ST6GALNAC3: variants seen among roughly 807,000 people sequenced by gnomAD.
ST6GALNAC3 encodes alpha-N-acetylgalactosaminide alpha-2,6-sialyltransferase 3.
In ST6GALNAC3, 25 loss-of-function variants were observed where a neutral mutation model predicts 32.7. That is an observed-to-expected ratio of 0.76 (90% confidence interval 0.56 to 1.07). ST6GALNAC3 has a LOEUF of 1.07. Ranked by LOEUF, ST6GALNAC3 falls within the 50% of genes least tolerant of loss-of-function variation. The pLI, the probability that ST6GALNAC3 is intolerant of heterozygous loss-of-function variation, is 0.00. For missense variants in ST6GALNAC3, 355 were observed against 382.4 expected, an observed-to-expected ratio of 0.93 and a Z score of 0.60; for synonymous variants, 129 against 133.1, an observed-to-expected ratio of 0.97 and a Z score of 0.21.
In ST6GALNAC3 at chr1:76,631,033, AGAAACATTTGAAAACTT is replaced by A; in HGVS notation, c.*2229_*2245del. On this transcript the variant is annotated 3_prime_UTR_variant, in exon 5 of 5. Transcript: ENST00000328299. ...TTATTTGTTCTAGCCCCTACTGATGAGAAACATTTGAAAACTTGCTTGCTCTCCTGCCTCGTTGTAGC... is the reference window on the plus strand; with the variant it reads ...TTATTTGTTCTAGCCCCTACTGATGAGCTTGCTCTCCTGCCTCGTTGTAGC... 1.0e-6 allele frequency: 1 copy of A among 985,594 alleles called. No individual in the cohort carries two copies. Among genetic ancestry groups the A allele is most frequent in the South Asian group, 4.7e-5 (1 of 21,286 alleles). The allele number at this position is 985,594 out of a possible 1,614,324, so 61.1% of individuals were successfully genotyped here.
chr1:76,145,747 G>A lies in ST6GALNAC3; in HGVS notation c.18+70863G>A, dbSNP rs150743880. Among the ~76,000 whole-genome samples the A allele has an allele frequency of 9.0e-3, 1,368 of 152,228 alleles. 24 individuals carry two copies. Among genetic ancestry groups the A allele is most frequent in the African/African-American group, 0.032 (1,309 of 41,536 alleles). ...ATGTGTTTAAAAATTAGATAAATAAGAATTTACATGACAGTTTAATAGGGG... is the reference window on the plus strand; with the variant it reads ...ATGTGTTTAAAAATTAGATAAATAAAAATTTACATGACAGTTTAATAGGGG... On this transcript the variant is annotated intron_variant, in intron 1 of 4. Transcript: ENST00000328299.
intron 1 of ST6GALNAC3, among the ~76,000 whole-genome samples, chr1:76,187,646 A>AGGATGT (rs1203397793): frequency 2.0e-5 from 3 of 152,194 alleles, no homozygotes; most frequent in African/African-American, 7.2e-5. Context: ...ACAGAGTCAG[A>AGGATGT]GGATGTCAAC....
intron 1 of ST6GALNAC3, among the ~76,000 whole-genome samples, chr1:76,185,787 A>G (rs1440776610): frequency 1.3e-5 from 2 of 152,196 alleles, no homozygotes; most frequent in African/African-American, 4.8e-5. Flanking sequence ...GCATCCATGG[A>G]TTCAACTAAC....
chr1:76,341,649 CTTTCT>C, intron 2 of ST6GALNAC3, among the ~76,000 whole-genome samples: 1 of 143,054 alleles, frequency 7.0e-6, no homozygotes, highest in Non-Finnish European at 1.5e-5. Flanking sequence ...TTCTTTCTTT[CTTTCT>C]TTCTTTCTTT....
intron 2 of ST6GALNAC3, among the ~76,000 whole-genome samples, chr1:76,343,896 G>C (rs116199667): frequency 0.012 from 1,879 of 152,296 alleles, 29 homozygotes; most frequent in South Asian, 0.02. Context: ...GGCAACCTAT[G>C]AGAATTGCTT....
At chr1:76,560,542 C>T (rs1256584975) in intron 3 of ST6GALNAC3, among the ~76,000 whole-genome samples, 1 of 152,092 alleles carries the variant, frequency 6.6e-6, no homozygotes. Flanking sequence ...AGATATTTCT[C>T]AAAGGAAGAC....
At position 76,630,831 on chromosome 1, in the gene ST6GALNAC3, A is replaced by T. The variant is rs1229339300; in HGVS notation, c.*2025A>T. ...AATGTTAAGTTTTTTTGAGCTAATG[A>T]TAGATAGAAATGCCCACTCAAAGAA... On this transcript the variant is annotated 3_prime_UTR_variant, in exon 5 of 5. Coordinates refer to ENST00000328299, the MANE Select transcript of ST6GALNAC3 (RefSeq NM_152996.4). 65 of 985,522 alleles carry T rather than the reference A, an allele frequency of 6.6e-5. No individual in the cohort carries two copies. The highest frequency in any genetic ancestry group is 7.4e-5 in the Non-Finnish European group (61 of 829,820). The allele number at this position is 985,522 out of a possible 1,614,324, so 61.0% of individuals were successfully genotyped here. A position where few individuals can be genotyped will look rare whatever the true frequency, so the allele number is the denominator to read the frequency against.
rs965010297 is a variant in ST6GALNAC3, at chr1:76,630,627, A to G, written c.*1821A>G. The G allele has an allele frequency of 2.0e-6, 2 of 985,534 alleles. No individual in the cohort carries two copies. The highest frequency in any genetic ancestry group is 2.4e-6 in the Non-Finnish European group (2 of 829,836). 61.0% of individuals were successfully genotyped at this position (985,534 alleles called of 1,614,324 possible). Reference sequence around the variant, plus strand: ...GCACTTGTAGGTCTTTACTAGTGCTAAGTATTATGGTGAGCTATCATTAAA... The same window carrying G: ...GCACTTGTAGGTCTTTACTAGTGCTGAGTATTATGGTGAGCTATCATTAAA... On this transcript the variant is annotated 3_prime_UTR_variant, in exon 5 of 5. Transcript: ENST00000328299.
chr1:76,210,477 T>TG (rs1299880127), intron 1 of ST6GALNAC3, among the ~76,000 whole-genome samples: 1 of 152,230 alleles, frequency 6.6e-6, no homozygotes, highest in Non-Finnish European at 1.5e-5. Context: ...TCTATTTGCC[T>TG]GGACACCTGT....
chr1:76,540,700 G>A lies in ST6GALNAC3; in HGVS notation c.624-86752G>A, dbSNP rs1049243612. Among the ~76,000 whole-genome samples the A allele has an allele frequency of 2.3e-4, 35 of 152,086 alleles. 1 individual carries two copies. Among genetic ancestry groups the A allele is most frequent in the Admixed American group, 2.0e-4 (3 of 15,252 alleles). ...TAAGCATTTTGAACACCCATGGAGT[G>A]TTGCCATTAATTAAAGAAGATAATA... On this transcript the variant is annotated intron_variant, in intron 3 of 4. Transcript: ENST00000328299.
At chr1:76,374,348 G>A (rs1478292680) in intron 2 of ST6GALNAC3, among the ~76,000 whole-genome samples, 4 of 152,138 alleles carry the variant, frequency 2.6e-5, no homozygotes, top group African/African-American at 7.2e-5. Flanking sequence ...TACATCAGAC[G>A]CTAAAATAGT....
At chr1:76,324,864 A>C (rs1647036528) in intron 2 of ST6GALNAC3, among the ~76,000 whole-genome samples, 1 of 152,196 alleles carries the variant, frequency 6.6e-6, no homozygotes, top group Non-Finnish European at 1.5e-5. Flanking sequence ...ATAAATCTGA[A>C]ACTATTCCAA....
At chr1:76,423,984 T>A (rs888305913) in intron 3 of ST6GALNAC3, among the ~76,000 whole-genome samples, 1 of 151,964 alleles carries the variant, frequency 6.6e-6, no homozygotes, top group African/African-American at 2.4e-5. Context: ...CTACACTACA[T>A]CAGCTGTATC....
intron 1 of ST6GALNAC3, among the ~76,000 whole-genome samples, chr1:76,157,694 G>A (rs1336530288): frequency 6.6e-6 from 1 of 152,090 alleles, no homozygotes; most frequent in Non-Finnish European, 1.5e-5. Flanking sequence ...CCTTTGTGCT[G>A]TAAATTTCAA....
intron 1 of ST6GALNAC3, among the ~76,000 whole-genome samples, chr1:76,095,142 TG>T (rs948762245): frequency 6.6e-6 from 1 of 152,082 alleles, no homozygotes; most frequent in Admixed American, 6.5e-5. Context: ...CCCTGGGATC[TG>T]GGGGGCAGGC....
chr1:76,277,490 A>T (rs79174278), intron 1 of ST6GALNAC3, among the ~76,000 whole-genome samples: 1,698 of 149,548 alleles, frequency 0.011, 24 homozygotes, highest in African/African-American at 0.038. Flanking sequence ...CCTCCTTCAT[A>T]ACAGGTCAAT....
chr1:76,265,192 C>T lies in ST6GALNAC3; in HGVS notation c.19-48613C>T, dbSNP rs148170610. Among the ~76,000 whole-genome samples, 488 of 152,188 alleles carry T rather than the reference C, an allele frequency of 3.2e-3. 1 individual carries two copies. Among genetic ancestry groups the T allele is most frequent in the Non-Finnish European group, 5.2e-3 (354 of 68,018 alleles). ...GGGTAAGCACAGCTAAAGTTTGACA[C>T]GGCAGCTTCAATGAATCATGCCTCT... On this transcript the variant is annotated intron_variant, in intron 1 of 4. Transcript: ENST00000328299.
At chr1:76,387,471 GC>G (rs1652188932) in intron 2 of ST6GALNAC3, among the ~76,000 whole-genome samples, 1 of 152,028 alleles carries the variant, frequency 6.6e-6, no homozygotes, top group South Asian at 2.1e-4. Context: ...CTGTTTAGAT[GC>G]TTTTTGGTTT....
At chr1:76,498,761 G>T (rs1202384179) in intron 3 of ST6GALNAC3, among the ~76,000 whole-genome samples, 3 of 151,032 alleles carry the variant, frequency 2.0e-5, no homozygotes, top group Non-Finnish European at 4.4e-5. Context: ...TTTCCTCTTT[G>T]TAAAGGAAAA....
Sources: gnomAD v4.1 joint callset for allele counts (sites outside exome capture counted in the v4.1 genomes callset) on GRCh38, gnomAD v4.1.1 for gene constraint, MANE v1.5 for transcripts, NCBI Gene and HGNC (gene_info 2026-07-23, HGNC 2026-07-21) for gene names.